TFDP1: variants seen among roughly 807,000 people sequenced by gnomAD.
TFDP1 encodes the protein transcription factor Dp-1, also known as DRTF1-polypeptide 1.
Under a neutral mutation model 48.0 loss-of-function variants are expected in TFDP1, and 6 were observed. That is an observed-to-expected ratio of 0.13 (90% CI 0.07 to 0.25). The LOEUF (loss-of-function observed/expected upper bound fraction) is 0.25, where lower values mean the gene tolerates loss of function less well. Ranked by LOEUF, TFDP1 falls within the 10% of genes least tolerant of loss-of-function variation. The pLI, the probability that TFDP1 is intolerant of heterozygous loss-of-function variation, is 1.00. For missense variants in TFDP1, 335 were observed against 543.0 expected, an observed-to-expected ratio of 0.62 and a Z score of 3.81; for synonymous variants, 201 against 211.6, an observed-to-expected ratio of 0.95 and a Z score of 0.44.
At chr13:113,632,693 G>A (rs562882251) in intron 5 of TFDP1, among the ~76,000 whole-genome samples, 3 of 152,200 alleles carry the variant, frequency 2.0e-5, no homozygotes, top group Non-Finnish European at 2.9e-5. Flanking sequence ...CAGGAGAATC[G>A]CTTGAACCCA....
chr13:113,594,432 C>T (rs1364830539), intron 2 of TFDP1, among the ~76,000 whole-genome samples: 1 of 151,814 alleles, frequency 6.6e-6, no homozygotes, highest in Non-Finnish European at 1.5e-5. Flanking sequence ...TGCTGATCCT[C>T]AGCCCTGCCC....
In TFDP1 at chr13:113,598,182, G is replaced by A. The variant is rs1016796224; in HGVS notation, c.12+12333G>A. On this transcript the variant is annotated intron_variant, in intron 2 of 11. Coordinates refer to ENST00000375370, the MANE Select transcript of TFDP1 (RefSeq NM_007111.5). The surrounding 1 kb of genome is among the most constrained non-coding windows in gnomAD (Gnocchi z 4.2). Reference sequence around the variant, plus strand: ...CCCACCACCCCAGCCCTGGAAAACCGTGCCTGCCAGGTTCATACCACACAA... The same window carrying A: ...CCCACCACCCCAGCCCTGGAAAACCATGCCTGCCAGGTTCATACCACACAA... Among the ~76,000 whole-genome samples, 3 of 152,124 alleles carry A rather than the reference G, an allele frequency of 2.0e-5. No individual in the cohort carries two copies. The highest frequency in any genetic ancestry group is 2.9e-5 in the Non-Finnish European group (2 of 68,030).
At chr13:113,604,774 C>T (rs184046246) in intron 2 of TFDP1, among the ~76,000 whole-genome samples, 28 of 152,280 alleles carry the variant, frequency 1.8e-4, no homozygotes, top group African/African-American at 6.5e-4. Flanking sequence ...CCAGGACAGG[C>T]GGTCACCCCA....
At chr13:113,612,816 T>C (rs2140410673) in intron 3 of TFDP1, among the ~76,000 whole-genome samples, 1 of 152,322 alleles carries the variant, frequency 6.6e-6, no homozygotes, top group South Asian at 2.1e-4. Context: ...TCTGCATTCA[T>C]GACATAGCTG....
chr13:113,634,717 C>G, intron 8 of TFDP1, 115 bp downstream of exon 8: 1 of 764,530 alleles, frequency 1.3e-6, no homozygotes, highest in East Asian at 2.6e-5. Context: ...AATGACTGCT[C>G]TAAGATTCTG....
chr13:113,586,712 C>T (rs922909222), intron 2 of TFDP1, among the ~76,000 whole-genome samples: 3 of 152,224 alleles, frequency 2.0e-5, no homozygotes, highest in African/African-American at 7.2e-5. Context: ...GCAGAGGTTT[C>T]AGTGGTCCCT....
intron 2 of TFDP1, among the ~76,000 whole-genome samples, chr13:113,610,458 G>T (rs2048682457): frequency 6.7e-6 from 1 of 149,292 alleles, no homozygotes; most frequent in South Asian, 2.1e-4. Context: ...CTGTGTGGCT[G>T]TGCCATCACG....
At chr13:113,614,428 G>A (rs998633791) in intron 3 of TFDP1, among the ~76,000 whole-genome samples, 1 of 152,144 alleles carries the variant, frequency 6.6e-6, no homozygotes. Context: ...TGCCCTCGGC[G>A]GTGCCAGTGA....
In TFDP1 at chr13:113,607,840, C is replaced by G. The variant is rs1189516280; in HGVS notation, c.13-3156C>G. Among the ~76,000 whole-genome samples, 1 of 152,210 alleles carries G rather than the reference C, an allele frequency of 6.6e-6. No homozygotes were observed. Among genetic ancestry groups the G allele is most frequent in the Admixed American group, 6.5e-5 (1 of 15,288 alleles). On this transcript the variant is annotated intron_variant, in intron 2 of 11. Coordinates refer to ENST00000375370, the MANE Select transcript of TFDP1 (RefSeq NM_007111.5). This position sits in a 1 kb window ranked among gnomAD's most constrained non-coding sequence, Gnocchi z 5.2. ...AGGGATTGCTGAGTTCCCATCCCAG[C>G]CGGAGCTGACCACCAAGTCGACGGG...
At chr13:113,631,566 G>A in intron 4 of TFDP1, 57 bp from the exon 5 acceptor site, 1 of 1,570,216 alleles carries the variant, frequency 6.4e-7, no homozygotes. Context: ...TGGTGGGCAT[G>A]GCACCCTCGC....
chr13:113,613,294 G>A (rs537714484), intron 3 of TFDP1, among the ~76,000 whole-genome samples: 2 of 152,310 alleles, frequency 1.3e-5, no homozygotes, highest in Admixed American at 6.5e-5. Flanking sequence ...GATTACAGGC[G>A]GGAGCCACTG....
chr13:113,589,689 C>T (rs2048093487), intron 2 of TFDP1, among the ~76,000 whole-genome samples: 1 of 152,230 alleles, frequency 6.6e-6, no homozygotes, highest in Non-Finnish European at 1.5e-5. Flanking sequence ...CAGATTCAGT[C>T]TTGGAAGGTG....
intron 4 of TFDP1, among the ~76,000 whole-genome samples, chr13:113,625,056 C>T (rs202037884): frequency 1.8e-4 from 16 of 87,322 alleles, no homozygotes; most frequent in Middle Eastern, 8.9e-3. Context: ...CTCACGTGTC[C>T]TCAGGTGTCT....
At chr13:113,611,387 G>C (rs1251885562) in intron 3 of TFDP1, among the ~76,000 whole-genome samples, 2 of 152,260 alleles carry the variant, frequency 1.3e-5, no homozygotes, top group African/African-American at 4.8e-5. Flanking sequence ...TTCAGCTGTG[G>C]TGTGGGCTCT....
In TFDP1 at chr13:113,633,425, C is replaced by A. The variant is rs780139579; in HGVS notation, c.474+140C>A. ...ATAAAAGAATTTTTACCAAACGAGT[C>A]AGTAAGTGTGTGCCGGGGCCGAGAG... is the stretch of plus-strand genomic sequence containing the variant. On this transcript the variant is annotated intron_variant, in intron 6 of 11. Transcript: ENST00000375370. The surrounding 1 kb of genome is among the most constrained non-coding windows in gnomAD (Gnocchi z 4.5). 6.8e-6 allele frequency: 7 copies of A among 1,028,422 alleles called. No individual in the cohort carries two copies. The highest frequency in any genetic ancestry group is 9.9e-6 in the Non-Finnish European group (7 of 707,166). The allele number at this position is 1,028,422 out of a possible 1,614,324, so 63.7% of individuals were successfully genotyped here.
chr13:113,618,312 A>G (rs868233285), intron 3 of TFDP1, among the ~76,000 whole-genome samples: 1 of 152,326 alleles, frequency 6.6e-6, no homozygotes, highest in South Asian at 2.1e-4. Flanking sequence ...GCTTGAACTC[A>G]GGAGTTCAAG....
intron 1 of TFDP1, 84 bp from the exon 2 acceptor site, chr13:113,585,690 T>A (rs1489848895): frequency 2.4e-6 from 2 of 828,440 alleles, no homozygotes; most frequent in East Asian, 5.4e-5. Context: ...CCGCGTTTCC[T>A]TTGAGATGTG....
intron 3 of TFDP1, among the ~76,000 whole-genome samples, chr13:113,614,703 G>A (rs2048813849): frequency 6.6e-6 from 1 of 152,204 alleles, no homozygotes; most frequent in Admixed American, 6.5e-5. Context: ...GCTGTGGGGG[G>A]CCTGTGTCCA....
chr13:113,631,581 T>A (rs2049338279), intron 4 of TFDP1, 42 bp from the exon 5 acceptor site: 2 of 1,588,368 alleles, frequency 1.3e-6, no homozygotes, highest in African/African-American at 2.7e-5. Context: ...CCTCGCCGTG[T>A]GGGAGGGGAC....
Sources: gnomAD v4.1 joint callset for allele counts (sites outside exome capture counted in the v4.1 genomes callset) on GRCh38, gnomAD v4.1.1 for gene constraint, Gnocchi (gnomAD v3.1) non-coding constraint, MANE v1.5 for transcripts, NCBI Gene and HGNC (gene_info 2026-07-23, HGNC 2026-07-21) for gene names.